The following LRRTM4 variants were observed in gnomAD, a reference collection of about 807,000 sequenced individuals.
The protein encoded by LRRTM4 is leucine rich repeat transmembrane neuronal 4.
In LRRTM4, 25 loss-of-function variants were observed where a neutral mutation model predicts 47.6. The observed-to-expected ratio is 0.53, with a 90% CI of 0.38 to 0.73. The LOEUF is 0.73. LRRTM4 is among the 30% of genes least tolerant of loss of function. The probability of loss-of-function intolerance (pLI) is 0.00; values close to 1 mark genes in which losing one functional copy is unlikely to be tolerated. For missense variants in LRRTM4, 638 were observed against 713.4 expected, an observed-to-expected ratio of 0.89 and a Z score of 1.20; for synonymous variants, 311 against 269.5, an observed-to-expected ratio of 1.15 and a Z score of -1.51.
chr2:76,918,851 C>A (rs961161990), intron 3 of LRRTM4, among the ~76,000 whole-genome samples: 6 of 152,156 alleles, frequency 3.9e-5, no homozygotes, highest in African/African-American at 7.2e-5. Context: ...ATAAGAATGT[C>A]ATCCACGATG....
chr2:76,860,179 C>T (rs890506583), intron 3 of LRRTM4, among the ~76,000 whole-genome samples: 4 of 152,128 alleles, frequency 2.6e-5, no homozygotes, highest in African/African-American at 4.8e-5. Flanking sequence ...ATATACTGTT[C>T]TCAGTCTTCA....
intron 3 of LRRTM4, among the ~76,000 whole-genome samples, chr2:77,355,936 C>T (rs1671949654): frequency 6.6e-6 from 1 of 151,974 alleles, no homozygotes; most frequent in Non-Finnish European, 1.5e-5. Context: ...TTACAAACTA[C>T]AAAAAAATTA....
intron 3 of LRRTM4, among the ~76,000 whole-genome samples, chr2:76,807,272 G>T (rs1421669188): frequency 6.6e-6 from 1 of 151,462 alleles, no homozygotes; most frequent in African/African-American, 2.4e-5. Context: ...TAAGTGAATT[G>T]TGGTATGCCC....
intron 3 of LRRTM4, among the ~76,000 whole-genome samples, chr2:77,284,434 T>G (rs1676595698): frequency 6.6e-6 from 1 of 152,128 alleles, no homozygotes; most frequent in African/African-American, 2.4e-5. Flanking sequence ...TGTCTTTTCA[T>G]TAAATATAGA....
intron 3 of LRRTM4, among the ~76,000 whole-genome samples, chr2:77,177,884 C>T (rs1385794949): frequency 6.6e-6 from 1 of 152,144 alleles, no homozygotes; most frequent in Non-Finnish European, 1.5e-5. Flanking sequence ...TCAGATGTCT[C>T]CAAAACTCAT....
intron 3 of LRRTM4, among the ~76,000 whole-genome samples, chr2:77,220,857 C>T (rs565531160): frequency 4.6e-5 from 7 of 152,086 alleles, no homozygotes; most frequent in South Asian, 4.1e-4. Flanking sequence ...ACAGAGAACG[C>T]CACAAAGATA....
intron 3 of LRRTM4, among the ~76,000 whole-genome samples, chr2:77,157,253 A>G: frequency 6.6e-6 from 1 of 152,130 alleles, no homozygotes; most frequent in South Asian, 2.1e-4. Flanking sequence ...AGTTTTTATA[A>G]ATGGGGAAGG....
intron 3 of LRRTM4, among the ~76,000 whole-genome samples, chr2:77,278,815 T>C (rs753422359): frequency 2.0e-5 from 3 of 152,008 alleles, no homozygotes; most frequent in Non-Finnish European, 4.4e-5. Context: ...CTTTGGCAAG[T>C]ATTAGATTGT....
chr2:77,457,935 G>A (rs1251193776), intron 3 of LRRTM4, among the ~76,000 whole-genome samples: 6 of 152,098 alleles, frequency 3.9e-5, no homozygotes, highest in African/African-American at 1.4e-4. Flanking sequence ...GTTCACTCTG[G>A]CTTCAGTGCA....
rs371226586 is a variant in LRRTM4 at position 76,775,698 on chromosome 2, G to A, written c.1552-26782C>T. ...CTGACTACATTTGCACGAAACAGTGGAGTTAGCCTATCCCTTCCTATGTTA... is the reference window on the plus strand; with the variant it reads ...CTGACTACATTTGCACGAAACAGTGAAGTTAGCCTATCCCTTCCTATGTTA... On this transcript the variant is annotated intron_variant, in intron 3 of 3. Transcript: ENST00000409884. 1.1e-4 allele frequency among the ~76,000 whole-genome samples: 17 copies of A among 152,166 alleles called. 1 individual carries two copies. The highest frequency in any genetic ancestry group is 3.6e-4 in the African/African-American group (15 of 41,508).
At chr2:77,132,016 T>G (rs1410124884) in intron 3 of LRRTM4, among the ~76,000 whole-genome samples, 3 of 152,192 alleles carry the variant, frequency 2.0e-5, no homozygotes, top group Non-Finnish European at 4.4e-5. Flanking sequence ...GAATATTTAG[T>G]CTTCCAGCTA....
intron 3 of LRRTM4, among the ~76,000 whole-genome samples, chr2:77,484,155 G>T (rs144308557): frequency 5.3e-5 from 8 of 152,310 alleles, no homozygotes; most frequent in South Asian, 4.1e-4. Context: ...AACAAATGCT[G>T]GCATTCACAG....
chr2:77,032,090 T>C (rs1425895350), intron 3 of LRRTM4, among the ~76,000 whole-genome samples: 1 of 152,186 alleles, frequency 6.6e-6, no homozygotes, highest in East Asian at 1.9e-4. Context: ...CCTAGAATTT[T>C]GTATTCTGCT....
intron 3 of LRRTM4, among the ~76,000 whole-genome samples, chr2:76,827,570 T>C (rs369554930): frequency 1.4e-4 from 21 of 151,896 alleles, no homozygotes; most frequent in African/African-American, 3.9e-4. Flanking sequence ...TTTCATAGCA[T>C]TGAAACATTT....
In LRRTM4 at chr2:77,459,428, T is replaced by G. The variant is rs368938376; in HGVS notation, c.1551+58890A>C. 2.2e-4 allele frequency among the ~76,000 whole-genome samples: 33 copies of G among 152,246 alleles called. No individual in the cohort carries two copies. In the East Asian group the frequency reaches 6.0e-3, roughly 28 times the overall value. ...GATATACAGAGACATATACAGCAATTAAGGGTGTAGGTCCTCTCATGAACC... is the reference window on the plus strand; with the variant it reads ...GATATACAGAGACATATACAGCAATGAAGGGTGTAGGTCCTCTCATGAACC... On this transcript the variant is annotated intron_variant, in intron 3 of 3. Transcript: ENST00000409884.
intron 3 of LRRTM4, among the ~76,000 whole-genome samples, chr2:76,938,264 G>A (rs1241453548): frequency 6.6e-6 from 1 of 152,108 alleles, no homozygotes; most frequent in Non-Finnish European, 1.5e-5. Flanking sequence ...AATCAAAAAT[G>A]CATCATTTGG....
At chr2:77,352,390 C>T (rs1178858795) in intron 3 of LRRTM4, among the ~76,000 whole-genome samples, 3 of 152,114 alleles carry the variant, frequency 2.0e-5, no homozygotes, top group East Asian at 1.9e-4. Context: ...CCTAACACAC[C>T]GAAGACAGAT....
At chr2:77,189,578 G>T (rs1444583311) in intron 3 of LRRTM4, among the ~76,000 whole-genome samples, 1 of 152,040 alleles carries the variant, frequency 6.6e-6, no homozygotes, top group Non-Finnish European at 1.5e-5. Flanking sequence ...GATTTGAGGA[G>T]CTGGAAATCT....
chr2:76,844,191 G>A (rs772938207), intron 3 of LRRTM4, among the ~76,000 whole-genome samples: 5 of 151,774 alleles, frequency 3.3e-5, no homozygotes, highest in Non-Finnish European at 7.4e-5. Flanking sequence ...CTGGAGTGCC[G>A]TGGCATGATC....
Sources: gnomAD v4.1 joint callset for allele counts (sites outside exome capture counted in the v4.1 genomes callset) on GRCh38, gnomAD v4.1.1 for gene constraint, MANE v1.5 for transcripts, NCBI Gene and HGNC (gene_info 2026-07-23, HGNC 2026-07-21) for gene names.